Variants in COL21A1 observed in about 807,000 individuals in gnomAD.
COL21A1 encodes the protein collagen alpha-1(XXI) chain.
Under a neutral mutation model 137.9 loss-of-function variants are expected in COL21A1, and 149 were observed. That is an observed-to-expected ratio of 1.08 (90% CI 0.95 to 1.24). The LOEUF is 1.24. Ranked by LOEUF, COL21A1 falls within the 50% of genes most tolerant of loss-of-function variation. The pLI, the probability that COL21A1 is intolerant of heterozygous loss-of-function variation, is 0.00. For synonymous variants in COL21A1, 456 were observed against 391.5 expected, an observed-to-expected ratio of 1.16 and a Z score of -1.95; for missense variants, 1,167 against 1,158.4, an observed-to-expected ratio of 1.01 and a Z score of -0.11.
rs187674673 is a variant in COL21A1, at chr6:56,301,882, G to A, written c.-39+92089C>T. ...CCCCCCCAATCCCACAACAGGCCCCGGTGTGTGATGTTCCCCTTCCTGTGT... is the reference window on the plus strand; with the variant it reads ...CCCCCCCAATCCCACAACAGGCCCCAGTGTGTGATGTTCCCCTTCCTGTGT... On this transcript the variant is annotated intron_variant, in intron 1 of 28. Transcript: ENST00000370819. 3.6e-3 allele frequency among the ~76,000 whole-genome samples: 531 copies of A among 149,302 alleles called. 4 individuals carry two copies. The highest frequency in any genetic ancestry group is 0.011 in the African/African-American group (444 of 39,816).
intron 1 of COL21A1, among the ~76,000 whole-genome samples, chr6:56,226,073 T>C (rs3846924): frequency 0.63 from 95,998 of 151,964 alleles, 30,638 homozygotes; most frequent in East Asian, 0.86. Context: ...GTACAAATAG[T>C]ACATAGAATT....
intron 17 of COL21A1, among the ~76,000 whole-genome samples, chr6:56,082,738 A>G (rs1453355305): frequency 6.6e-6 from 1 of 151,958 alleles, no homozygotes; most frequent in Non-Finnish European, 1.5e-5. Context: ...CACCAAATAA[A>G]AAATGAAATT....
chr6:56,377,487 C>T (rs988200373), intron 1 of COL21A1, among the ~76,000 whole-genome samples: 1 of 152,134 alleles, frequency 6.6e-6, no homozygotes, highest in African/African-American at 2.4e-5. Context: ...GAAAGGAAAA[C>T]CAAACCAAAC....
intron 1 of COL21A1, among the ~76,000 whole-genome samples, chr6:56,357,126 T>C (rs2152347759): frequency 6.6e-6 from 1 of 152,316 alleles, no homozygotes; most frequent in South Asian, 2.1e-4. Flanking sequence ...AAGCAACCAT[T>C]CCTCTTGCAA....
Position 56,235,523 on chromosome 6 carries a change from C to T in COL21A1, c.-39+11864G>A, listed in dbSNP as rs561565741. ...TCAAAAATAGATCATATAAAACTAA[C>T]CTGTACTTCTTTGATAGCTGTACTA... On this transcript the variant is annotated intron_variant, in intron 1 of 29. Transcript: ENST00000244728. Among the ~76,000 whole-genome samples the T allele has an allele frequency of 4.6e-5, 7 of 152,006 alleles. No homozygotes were observed. In the East Asian group the frequency reaches 1.4e-3, roughly 30 times the overall value.
At chr6:56,220,040 A>G (rs1780734685) in intron 1 of COL21A1, among the ~76,000 whole-genome samples, 1 of 152,172 alleles carries the variant, frequency 6.6e-6, no homozygotes, top group Non-Finnish European at 1.5e-5. Flanking sequence ...TCAATTTTCA[A>G]TAATAGACTG....
At chr6:56,157,072 T>TA (rs61242227) in intron 9 of COL21A1, 123 bp from the exon 10 acceptor site, 5,685 of 487,560 alleles carry the variant, frequency 0.012, 18 homozygotes, top group South Asian at 0.029. Flanking sequence ...AAAACAAAAG[T>TA]AAAAAAAAAA....
chr6:56,179,052 A>G (rs1325630353), intron 3 of COL21A1, among the ~76,000 whole-genome samples: 1 of 151,178 alleles, frequency 6.6e-6, no homozygotes, highest in Non-Finnish European at 1.5e-5. Flanking sequence ...ATTGTCTGCT[A>G]TCCTATGAAT....
At chr6:56,081,028 C>T (rs949016146) in intron 17 of COL21A1, among the ~76,000 whole-genome samples, 6 of 151,648 alleles carry the variant, frequency 4.0e-5, no homozygotes, top group East Asian at 1.9e-4. Context: ...TTTTCTTTGT[C>T]GGGAAAATAA....
chr6:56,220,656 T>C lies in COL21A1; in HGVS notation c.-39+26731A>G, dbSNP rs78281171. ...ACTTATCCGAGAAGAGGAAACTTGC[T>C]ACCTTCTAAACAAACCATTCTATCT... On this transcript the variant is annotated intron_variant, in intron 1 of 29. Coordinates refer to ENST00000244728, the MANE Select transcript of COL21A1 (RefSeq NM_030820.4). Among the ~76,000 whole-genome samples the C allele has an allele frequency of 7.9e-5, 12 of 152,326 alleles. No homozygotes were observed. In the East Asian group the frequency reaches 2.1e-3, roughly 27 times the overall value.
Position 56,168,304 on chromosome 6 carries a change from A to T in COL21A1, c.1027-7T>A, listed in dbSNP as rs1395262302. On this transcript the variant is annotated splice_region_variant and splice_polypyrimidine_tract_variant and intron_variant, in intron 5 of 29. Transcript: ENST00000244728. ...AGCCTTCATCAAACAACGTCTACAA[A>T]AAGAAAGTGTGGAAGATTCATAAAT... 1.3e-6 allele frequency: 2 copies of T among 1,523,858 alleles called. No homozygotes were observed. Among genetic ancestry groups the T allele is most frequent in the African/African-American group, 2.7e-5 (2 of 72,806 alleles). 94.4% of individuals were successfully genotyped at this position (1,523,858 alleles called of 1,614,324 possible). A position where few individuals can be genotyped will look rare whatever the true frequency, so the allele number is the denominator to read the frequency against.
intron 1 of COL21A1, among the ~76,000 whole-genome samples, chr6:56,245,694 A>T (rs1358436207): frequency 6.6e-6 from 1 of 152,192 alleles, no homozygotes; most frequent in Non-Finnish European, 1.5e-5. Context: ...AAGCTATGCA[A>T]CTATCCAAGA....
At chr6:56,251,384 A>C (rs1020381422), upstream of COL21A1, among the ~76,000 whole-genome samples, 2 of 152,216 alleles carry the variant, frequency 1.3e-5, no homozygotes, top group African/African-American at 4.8e-5. Context: ...TTCTCATTAT[A>C]TTCCCATGGG....
chr6:56,242,021 T>C (rs1320841507), intron 1 of COL21A1, among the ~76,000 whole-genome samples: 1 of 152,178 alleles, frequency 6.6e-6, no homozygotes. Flanking sequence ...AGACACTTAA[T>C]AGTTATTTGA....
At chr6:56,093,559 G>GA (rs1769052165) in intron 17 of COL21A1, among the ~76,000 whole-genome samples, 1 of 152,092 alleles carries the variant, frequency 6.6e-6, no homozygotes, top group African/African-American at 2.4e-5. Flanking sequence ...GAATCCAGCA[G>GA]AAAAAATTCC....
chr6:56,101,225 A>C (rs1181094966), intron 17 of COL21A1, among the ~76,000 whole-genome samples: 1 of 152,144 alleles, frequency 6.6e-6, no homozygotes, highest in African/African-American at 2.4e-5. Flanking sequence ...TTAACCATGC[A>C]TTTCTTTGGG....
intron 1 of COL21A1, among the ~76,000 whole-genome samples, chr6:56,293,552 CA>C (rs1330395977): frequency 2.0e-5 from 3 of 151,902 alleles, no homozygotes; most frequent in Admixed American, 2.0e-4. Flanking sequence ...AAGAAAAACC[CA>C]ATGTTAAACT....
At chr6:56,179,412 TG>T (rs1351981835) in intron 3 of COL21A1, among the ~76,000 whole-genome samples, 165 bp downstream of exon 3, 1 of 152,186 alleles carries the variant, frequency 6.6e-6, no homozygotes, top group East Asian at 1.9e-4. Flanking sequence ...AAAAAATTTA[TG>T]CTCACAGTAT....
chr6:56,383,148 T>C (rs1405099970), intron 1 of COL21A1, among the ~76,000 whole-genome samples: 1 of 152,130 alleles, frequency 6.6e-6, no homozygotes, highest in Admixed American at 6.6e-5. Flanking sequence ...AGGCTGGAAG[T>C]CTGAGATTAG....
Sources: gnomAD v4.1 joint callset for allele counts (sites outside exome capture counted in the v4.1 genomes callset) on GRCh38, gnomAD v4.1.1 for gene constraint, MANE v1.5 for transcripts, NCBI Gene and HGNC (gene_info 2026-07-23, HGNC 2026-07-21) for gene names.